Variants in PRKG1 observed in about 807,000 individuals in gnomAD.
The protein encoded by PRKG1 is protein kinase cGMP-dependent 1.
A neutral mutation model predicts 88.1 loss-of-function variants in PRKG1; 35 were observed. That is an observed-to-expected ratio of 0.40 (90% CI 0.30 to 0.53). The LOEUF (loss-of-function observed/expected upper bound fraction) is 0.53, where lower values mean the gene tolerates loss of function less well. PRKG1 is among the 20% of genes least tolerant of loss of function. PRKG1 has a pLI of 0.59. For synonymous variants in PRKG1, 303 were observed against 292.5 expected, an observed-to-expected ratio of 1.04 and a Z score of -0.37; for missense variants, 540 against 839.8, an observed-to-expected ratio of 0.64 and a Z score of 4.41.
At chr10:52,051,717 G>T (rs1379495880) in intron 5 of PRKG1, among the ~76,000 whole-genome samples, 4 of 152,214 alleles carry the variant, frequency 2.6e-5, no homozygotes, top group African/African-American at 4.8e-5. Flanking sequence ...TCAGAGAGGG[G>T]CAAACTTCAC....
At chr10:51,129,730 G>A (rs1055403656) in intron 1 of PRKG1, among the ~76,000 whole-genome samples, 91 of 152,274 alleles carry the variant, frequency 6.0e-4, no homozygotes, top group African/African-American at 2.0e-3. Flanking sequence ...CAGTTGGAAA[G>A]CATTGAATTT....
At chr10:51,797,179 ATT>A (rs35365020) in intron 3 of PRKG1, among the ~76,000 whole-genome samples, 108 of 145,032 alleles carry the variant, frequency 7.4e-4, no homozygotes, top group Middle Eastern at 3.6e-3. Context: ...GTATCTGAGT[ATT>A]TTTTTTTTTT....
At chr10:51,663,718 A>C (rs1005390087) in intron 3 of PRKG1, among the ~76,000 whole-genome samples, 248 of 151,444 alleles carry the variant, frequency 1.6e-3, no homozygotes, top group Admixed American at 4.5e-3. Flanking sequence ...AAAAAAAAAA[A>C]AAAAAACACA....
chr10:51,058,540 A>C (rs1843658938), intron 1 of PRKG1, among the ~76,000 whole-genome samples: 1 of 152,064 alleles, frequency 6.6e-6, no homozygotes, highest in African/African-American at 2.4e-5. Flanking sequence ...CAACATTATC[A>C]CCCCAAATTC....
chr10:51,975,225 A>G (rs1843801674), intron 5 of PRKG1, among the ~76,000 whole-genome samples: 1 of 152,072 alleles, frequency 6.6e-6, no homozygotes, highest in African/African-American at 2.4e-5. Context: ...TTGCCCAGGG[A>G]CATACAGATA....
intron 2 of PRKG1, among the ~76,000 whole-genome samples, chr10:51,428,754 A>C (rs565103495): frequency 6.6e-6 from 1 of 152,296 alleles, no homozygotes; most frequent in African/African-American, 2.4e-5. Flanking sequence ...AAAGTGAAAA[A>C]AACGCATGCC....
intron 9 of PRKG1, among the ~76,000 whole-genome samples, chr10:52,228,884 A>G (rs1263816337): frequency 6.6e-6 from 1 of 152,220 alleles, no homozygotes; most frequent in African/African-American, 2.4e-5. Context: ...AAACACCTGC[A>G]CTAAGTGAAT....
Position 51,083,119 on chromosome 10 carries a change from G to C in PRKG1, c.311+8218G>C, listed in dbSNP as rs537997206. Among the ~76,000 whole-genome samples, 10 of 152,180 alleles carry C rather than the reference G, an allele frequency of 6.6e-5. No individual in the cohort carries two copies. In the East Asian group the frequency reaches 1.7e-3, roughly 26 times the overall value. ...AGTCCCTGGCTTGCAGTGGAGCCAGGCAGCTTCAGCTCCCCAATCTCCCTA... is the reference window on the plus strand; with the variant it reads ...AGTCCCTGGCTTGCAGTGGAGCCAGCCAGCTTCAGCTCCCCAATCTCCCTA... On this transcript the variant is annotated intron_variant, in intron 1 of 17. Coordinates refer to ENST00000373980, the MANE Select transcript of PRKG1 (RefSeq NM_006258.4).
intron 3 of PRKG1, among the ~76,000 whole-genome samples, chr10:51,595,281 G>C (rs114302560): frequency 0.069 from 10,535 of 152,070 alleles, 1,196 homozygotes; most frequent in African/African-American, 0.24. Context: ...CCAGGAGGTT[G>C]AGACTGCAGT....
intron 3 of PRKG1, among the ~76,000 whole-genome samples, chr10:51,666,491 T>G (rs1030489984): frequency 6.6e-6 from 1 of 152,234 alleles, no homozygotes; most frequent in African/African-American, 2.4e-5. Flanking sequence ...CTTTTCCTTA[T>G]TCCATTATGC....
At chr10:51,397,869 T>TAAA (rs1159525810) in intron 2 of PRKG1, among the ~76,000 whole-genome samples, 4 of 152,198 alleles carry the variant, frequency 2.6e-5, no homozygotes, top group Admixed American at 6.5e-5. Flanking sequence ...GATGTCCTTT[T>TAAA]CCTCCTCGAA....
chr10:51,223,378 G>T lies in PRKG1; in HGVS notation c.478+70048G>T, dbSNP rs188794060. 1.8e-4 allele frequency among the ~76,000 whole-genome samples: 27 copies of T among 152,232 alleles called. 1 individual carries two copies. In the East Asian group the frequency reaches 2.9e-3, roughly 16 times the overall value. On this transcript the variant is annotated intron_variant, in intron 2 of 17. Transcript: ENST00000373980. ...AAACCCCATGAAGACAGAAATTTTT[G>T]TCTGCTGACTTAAGTTAATGTCTGT...
intron 1 of PRKG1, among the ~76,000 whole-genome samples, chr10:51,062,083 T>C (rs765424557): frequency 5.3e-5 from 8 of 152,182 alleles, no homozygotes; most frequent in Non-Finnish European, 1.0e-4. Context: ...TGATCTTCCT[T>C]CATGGAGGAT....
At chr10:52,151,350 G>GA (rs1304725624) in intron 8 of PRKG1, among the ~76,000 whole-genome samples, 6 of 152,198 alleles carry the variant, frequency 3.9e-5, no homozygotes, top group Admixed American at 1.3e-4. Context: ...AAAATTTGGA[G>GA]AAAAAATTCA....
intron 3 of PRKG1, among the ~76,000 whole-genome samples, chr10:51,480,016 T>A (rs913369656): frequency 1.3e-5 from 2 of 149,266 alleles, no homozygotes; most frequent in South Asian, 2.2e-4. Context: ...AAAAAAAAAA[T>A]TAAATGTTGG....
intron 3 of PRKG1, among the ~76,000 whole-genome samples, chr10:51,731,889 C>T (rs529926848): frequency 4.9e-4 from 75 of 152,234 alleles, no homozygotes; most frequent in Middle Eastern, 3.4e-3. Context: ...CTGAGGCCTC[C>T]CTCCTTGGCT....
At chr10:51,969,065 G>A (rs1371738487) in intron 5 of PRKG1, among the ~76,000 whole-genome samples, 1 of 152,066 alleles carries the variant, frequency 6.6e-6, no homozygotes, top group Non-Finnish European at 1.5e-5. Flanking sequence ...GAAAATATCA[G>A]GGTATGATTA....
At chr10:51,704,677 A>T (rs893937521) in intron 3 of PRKG1, among the ~76,000 whole-genome samples, 6 of 152,228 alleles carry the variant, frequency 3.9e-5, no homozygotes, top group African/African-American at 1.4e-4. Flanking sequence ...GAAGCTAGTA[A>T]TAGCCAACGC....
chr10:52,041,163 T>G (rs1219208319), intron 5 of PRKG1, among the ~76,000 whole-genome samples: 2 of 152,102 alleles, frequency 1.3e-5, no homozygotes, highest in African/African-American at 4.8e-5. Context: ...TGTGCCTAAT[T>G]TGTTTAGAGT....
Sources: allele counts gnomAD v4.1 joint callset (sites outside exome capture counted in the v4.1 genomes callset), GRCh38; gene constraint gnomAD v4.1.1; transcripts MANE v1.5; gene names NCBI Gene and HGNC (gene_info 2026-07-23, HGNC 2026-07-21).